FHIT: variants seen among roughly 807,000 people sequenced by gnomAD.
FHIT encodes the protein bis(5'-adenosyl)-triphosphatase.
FHIT carries 19 observed loss-of-function variants against 17.9 expected under a neutral mutation model. The observed-to-expected ratio is 1.06, with a 90% CI of 0.74 to 1.56. The LOEUF is 1.56. Ranked by LOEUF, FHIT falls within the 40% of genes most tolerant of loss-of-function variation. The probability of loss-of-function intolerance (pLI) is 0.00; values close to 1 mark genes in which losing one functional copy is unlikely to be tolerated. For synonymous variants in FHIT, 81 were observed against 69.7 expected (o/e 1.16, Z -0.81); for missense variants, 248 against 189.2 (o/e 1.31, Z -1.82).
At chr3:60,020,094 C>T (rs1327536579) in intron 5 of FHIT, among the ~76,000 whole-genome samples, 1 of 152,134 alleles carries the variant, frequency 6.6e-6, no homozygotes, top group Admixed American at 6.6e-5. Context: ...AACACAGAAC[C>T]AACTGCAAAG....
At chr3:60,957,325 C>T (rs1244121962) in intron 3 of FHIT, among the ~76,000 whole-genome samples, 1 of 150,668 alleles carries the variant, frequency 6.6e-6, no homozygotes, top group Non-Finnish European at 1.5e-5. Context: ...GCAACCTCCG[C>T]CTCCCGGGTT....
At chr3:61,108,440 G>C (rs1272097394) in intron 2 of FHIT, among the ~76,000 whole-genome samples, 2 of 152,156 alleles carry the variant, frequency 1.3e-5, no homozygotes, top group Non-Finnish European at 2.9e-5. Flanking sequence ...TTTGCCCTGT[G>C]GCTCACATTC....
At chr3:61,122,118 C>G (rs981177785) in intron 2 of FHIT, among the ~76,000 whole-genome samples, 3 of 152,166 alleles carry the variant, frequency 2.0e-5, no homozygotes, top group African/African-American at 7.2e-5. Context: ...TACAAGGCTA[C>G]AGTAACCAAA....
intron 4 of FHIT, among the ~76,000 whole-genome samples, chr3:60,799,442 G>C (rs908552811): frequency 6.6e-6 from 1 of 152,220 alleles, no homozygotes; most frequent in Non-Finnish European, 1.5e-5. Flanking sequence ...CCAAAGTGCT[G>C]GGATTACAGG....
chr3:60,761,401 G>A (rs1462601284), intron 4 of FHIT, among the ~76,000 whole-genome samples: 2 of 152,142 alleles, frequency 1.3e-5, no homozygotes, highest in Non-Finnish European at 2.9e-5. Flanking sequence ...CTCTTCATGA[G>A]CAAAATTTTA....
chr3:60,947,689 T>C (rs1227654075), intron 3 of FHIT, among the ~76,000 whole-genome samples: 5 of 152,194 alleles, frequency 3.3e-5, no homozygotes, highest in Non-Finnish European at 7.3e-5. Context: ...CTTGTGATCA[T>C]GTCTTCAGAA....
chr3:60,895,126 GCCTT>G (rs1705726172), intron 3 of FHIT, among the ~76,000 whole-genome samples: 1 of 152,126 alleles, frequency 6.6e-6, no homozygotes, highest in African/African-American at 2.4e-5. Flanking sequence ...TACTTTCTCA[GCCTT>G]CCTTTGCCCA....
At chr3:60,524,412 T>A (rs530980404) in intron 5 of FHIT, among the ~76,000 whole-genome samples, 3 of 152,106 alleles carry the variant, frequency 2.0e-5, no homozygotes, top group African/African-American at 7.2e-5. Context: ...ATCTGGGGAA[T>A]TGGCATTCCA....
At chr3:59,982,399 T>A (rs1708694198) in intron 7 of FHIT, among the ~76,000 whole-genome samples, 1 of 152,184 alleles carries the variant, frequency 6.6e-6, no homozygotes, top group African/African-American at 2.4e-5. Flanking sequence ...TGTGGTTTTA[T>A]AAGCAGTATC....
intron 5 of FHIT, among the ~76,000 whole-genome samples, chr3:60,173,665 C>T (rs993028461): frequency 1.3e-5 from 2 of 151,462 alleles, no homozygotes; most frequent in East Asian, 2.0e-4. Flanking sequence ...TGGATGTTTC[C>T]GGGGCTGCAG....
At chr3:60,112,506 A>G (rs989421375) in intron 5 of FHIT, among the ~76,000 whole-genome samples, 15 of 152,194 alleles carry the variant, frequency 9.9e-5, no homozygotes, top group African/African-American at 3.6e-4. Flanking sequence ...ACACGACTGC[A>G]GGGAACCTGG....
At chr3:59,787,707 G>A (rs1441211865) in intron 8 of FHIT, among the ~76,000 whole-genome samples, 1 of 152,128 alleles carries the variant, frequency 6.6e-6, no homozygotes, top group East Asian at 1.9e-4. Context: ...TTGCAAGAAG[G>A]ATAACATAAT....
chr3:60,537,512 T>G, intron 4 of FHIT: 7 of 961,504 alleles, frequency 7.3e-6, no homozygotes, highest in Non-Finnish European at 8.7e-6. Context: ...TCTAGTAAAA[T>G]CTCCAAAATA....
intron 5 of FHIT, among the ~76,000 whole-genome samples, chr3:60,097,316 G>A (rs946683951): frequency 2.0e-5 from 3 of 152,060 alleles, no homozygotes; most frequent in African/African-American, 7.2e-5. Flanking sequence ...TGACCATGAT[G>A]GGTCTAAATA....
intron 3 of FHIT, among the ~76,000 whole-genome samples, chr3:60,840,776 G>A (rs1369306576): frequency 6.6e-6 from 1 of 152,118 alleles, no homozygotes; most frequent in East Asian, 1.9e-4. Flanking sequence ...GACGTTTTCT[G>A]TTAAAAACAT....
At chr3:60,563,805 T>G (rs988507042) in intron 4 of FHIT, among the ~76,000 whole-genome samples, 1 of 152,164 alleles carries the variant, frequency 6.6e-6, no homozygotes, top group Non-Finnish European at 1.5e-5. Context: ...AGATTGGTCA[T>G]GAGGTTCAAG....
At chr3:59,984,326 A>G (rs1708792184) in intron 7 of FHIT, among the ~76,000 whole-genome samples, 2 of 152,078 alleles carry the variant, frequency 1.3e-5, no homozygotes, top group Non-Finnish European at 2.9e-5. Context: ...ACAGGGGAAA[A>G]AAGAAATCTA....
intron 5 of FHIT, among the ~76,000 whole-genome samples, chr3:60,097,891 T>G (rs1175343314): frequency 8.3e-6 from 1 of 120,474 alleles, no homozygotes; most frequent in Non-Finnish European, 1.6e-5. Context: ...CAGGCCCCGG[T>G]GTGTGATGTT....
chr3:60,578,381 G>C (rs1370727982), intron 4 of FHIT, among the ~76,000 whole-genome samples: 1 of 148,688 alleles, frequency 6.7e-6, no homozygotes, highest in African/African-American at 2.5e-5. Flanking sequence ...AGGTTGCAGT[G>C]AGCCGAGATC....
Sources: gnomAD v4.1 joint callset for allele counts (sites outside exome capture counted in the v4.1 genomes callset) on GRCh38, gnomAD v4.1.1 for gene constraint, MANE v1.5 for transcripts, NCBI Gene and HGNC (gene_info 2026-07-23, HGNC 2026-07-21) for gene names.